BORCS5: variants seen among roughly 807,000 people sequenced by gnomAD.
BORCS5 encodes BLOC-1 related complex subunit 5.
A neutral mutation model predicts 22.1 loss-of-function variants in BORCS5; 17 were observed. The ratio of observed to expected loss-of-function variants is 0.77; its 90% confidence interval spans 0.53 to 1.15. The LOEUF (loss-of-function observed/expected upper bound fraction) is 1.15, where lower values mean the gene tolerates loss of function less well. Among genes scored for constraint, BORCS5 ranks in the 50% most tolerant of loss-of-function variants. BORCS5 has a pLI of 0.00. For synonymous variants in BORCS5, 117 were observed against 99.8 expected (o/e 1.17, Z -1.03); for missense variants, 247 against 253.2 (o/e 0.98, Z 0.17).
intron 2 of BORCS5, among the ~76,000 whole-genome samples, chr12:12,431,254 C>G (rs1412829037): frequency 6.6e-6 from 1 of 152,150 alleles, no homozygotes; most frequent in Non-Finnish European, 1.5e-5. Flanking sequence ...ACCAATTTGA[C>G]AGGTGAAAAA....
At chr12:12,360,340 G>A (rs954851390) in intron 1 of BORCS5, among the ~76,000 whole-genome samples, 18 of 152,264 alleles carry the variant, frequency 1.2e-4, no homozygotes, top group Middle Eastern at 3.4e-3. Context: ...CCAACCTGGC[G>A]ACAGAGCGAG....
At chr12:12,390,512 G>T (rs962283405) in intron 2 of BORCS5, among the ~76,000 whole-genome samples, 1 of 151,992 alleles carries the variant, frequency 6.6e-6, no homozygotes, top group African/African-American at 2.4e-5. Flanking sequence ...GAAAGCCGGG[G>T]GTGGTGGCAT....
chr12:12,408,424 A>G (rs1451945040), intron 2 of BORCS5, among the ~76,000 whole-genome samples: 1 of 152,214 alleles, frequency 6.6e-6, no homozygotes, highest in Non-Finnish European at 1.5e-5. Context: ...TACCACTGTA[A>G]CTATTTTTAA....
intron 2 of BORCS5, among the ~76,000 whole-genome samples, chr12:12,423,889 C>T (rs554674115): frequency 6.6e-6 from 1 of 152,170 alleles, no homozygotes; most frequent in African/African-American, 2.4e-5. Flanking sequence ...GGGGTTTTGC[C>T]ATGTTGCCCA....
intron 3 of BORCS5, among the ~76,000 whole-genome samples, chr12:12,456,404 C>T (rs746352277): frequency 6.6e-6 from 1 of 152,180 alleles, no homozygotes; most frequent in African/African-American, 2.4e-5. Flanking sequence ...GTACTCCAGC[C>T]TGGGCAACAG....
chr12:12,452,221 C>G (rs1373130375), intron 3 of BORCS5: 2 of 659,902 alleles, frequency 3.0e-6, no homozygotes, highest in Non-Finnish European at 5.5e-6. Flanking sequence ...CAGGCTGAAG[C>G]TCCCCCTCAG....
In BORCS5 at chr12:12,438,385, A is replaced by AAAAAAAAAAACAC. The variant is rs1555156048; in HGVS notation, c.360+2602_360+2603insAAAAAAAACACAA. Among the ~76,000 whole-genome samples, 179 of 126,110 alleles carry AAAAAAAAAAACAC rather than the reference A, an allele frequency of 1.4e-3. 3 individuals are homozygous for AAAAAAAAAAACAC. Among genetic ancestry groups the AAAAAAAAAAACAC allele is most frequent in the African/African-American group, 5.2e-3 (159 of 30,540 alleles). The allele number at this position is 126,110 out of a possible 152,430, so 82.7% of individuals were successfully genotyped here. ...CAAAAAAAAAAAAAAAAAAAACGAA[A>AAAAAAAAAAACAC]AACAACAACAAAAACCTCTAATCCA... On this transcript the variant is annotated intron_variant, in intron 3 of 3. Transcript: ENST00000314565.
intron 3 of BORCS5, among the ~76,000 whole-genome samples, chr12:12,460,556 C>G (rs1040608782): frequency 1.3e-5 from 2 of 152,042 alleles, no homozygotes; most frequent in Admixed American, 6.5e-5. Context: ...GACATGCTTG[C>G]CTTGTTCCTA....
chr12:12,414,194 G>A (rs1941840096), intron 2 of BORCS5, among the ~76,000 whole-genome samples: 3 of 100,636 alleles, frequency 3.0e-5, no homozygotes, highest in African/African-American at 4.0e-5. Flanking sequence ...TGGGGCGGCT[G>A]GCCAGGCGGG....
chr12:12,434,692 ATGTTATTTT>A (rs1171953411), intron 2 of BORCS5, among the ~76,000 whole-genome samples: 1 of 152,222 alleles, frequency 6.6e-6, no homozygotes, highest in Non-Finnish European at 1.5e-5. Flanking sequence ...TTTCCTTAAA[ATGTTATTTT>A]TGTTAATGTA....
At chr12:12,366,888 T>G (rs2136022696) in intron 2 of BORCS5, among the ~76,000 whole-genome samples, 1 of 152,358 alleles carries the variant, frequency 6.6e-6, no homozygotes, top group East Asian at 1.9e-4. Context: ...TTTTTGTTAC[T>G]GACCTTGGAT....
chr12:12,429,463 G>A (rs1173035813), intron 2 of BORCS5, among the ~76,000 whole-genome samples: 1 of 152,150 alleles, frequency 6.6e-6, no homozygotes, highest in African/African-American at 2.4e-5. Context: ...TTTGCGGTGG[G>A]TTTATGGAGA....
rs545995976 is a variant in BORCS5, at chr12:12,442,630, TAAAG to T, written c.360+6849_360+6852del. Among the ~76,000 whole-genome samples, 25 of 152,278 alleles carry T rather than the reference TAAAG, an allele frequency of 1.6e-4. No individual in the cohort carries two copies. The South Asian group carries it at 4.8e-3, about 29-fold the overall frequency. ...TAATTTAGCCCTTTCATTGTGCAAA[TAAAG>T]AAACCAAGGATCTTCGAGTGTATAT... On this transcript the variant is annotated intron_variant, in intron 3 of 3. Transcript: ENST00000314565.
At chr12:12,455,865 G>C (rs377030795) in intron 3 of BORCS5, among the ~76,000 whole-genome samples, 1 of 151,912 alleles carries the variant, frequency 6.6e-6, no homozygotes, top group East Asian at 1.9e-4. Context: ...GTATTTTGGG[G>C]ATAGAAAAAT....
intron 3 of BORCS5, among the ~76,000 whole-genome samples, chr12:12,446,400 T>C (rs1265569627): frequency 6.6e-6 from 1 of 152,230 alleles, no homozygotes; most frequent in Non-Finnish European, 1.5e-5. Context: ...CTCTTCTTTA[T>C]AACTCTGTCT....
intron 2 of BORCS5, among the ~76,000 whole-genome samples, chr12:12,427,475 C>T (rs534943567): frequency 2.7e-4 from 41 of 152,266 alleles, no homozygotes; most frequent in Admixed American, 3.9e-4. Flanking sequence ...CCACCGCGCC[C>T]GGCCAGACTT....
At chr12:12,452,220 G>T in intron 3 of BORCS5, 1 of 658,908 alleles carries the variant, frequency 1.5e-6, no homozygotes, top group South Asian at 1.4e-5. Flanking sequence ...ACAGGCTGAA[G>T]CTCCCCCTCA....
chr12:12,375,022 TC>T (rs1863618234), intron 2 of BORCS5, among the ~76,000 whole-genome samples: 1 of 152,120 alleles, frequency 6.6e-6, no homozygotes, highest in Non-Finnish European at 1.5e-5. Context: ...CTTTTCTTTT[TC>T]TTTTTCTTTT....
rs565565375 is a variant in BORCS5 at position 12,453,047 on chromosome 12, G to A, written c.361-12499G>A. Among the ~76,000 whole-genome samples the A allele has an allele frequency of 5.3e-5, 8 of 152,308 alleles. No individual in the cohort carries two copies. In the South Asian group the frequency reaches 1.4e-3, roughly 28 times the overall value. ...CAAAGACCAAATCGGGATAGCCGAT[G>A]TATAAAAACACAAGCACCGGGTTTG... On this transcript the variant is annotated intron_variant, in intron 3 of 3. Coordinates refer to ENST00000314565, the MANE Select transcript of BORCS5 (RefSeq NM_058169.6).
Sources: gnomAD v4.1 joint callset for allele counts (sites outside exome capture counted in the v4.1 genomes callset) on GRCh38, gnomAD v4.1.1 for gene constraint, MANE v1.5 for transcripts, NCBI Gene and HGNC (gene_info 2026-07-23, HGNC 2026-07-21) for gene names.